The following NDUFS4 variants were observed in gnomAD, a reference collection of about 807,000 sequenced individuals.
The protein encoded by NDUFS4 is NADH dehydrogenase [ubiquinone] iron-sulfur protein 4, mitochondrial.
In NDUFS4, 28 loss-of-function variants were observed where a neutral mutation model predicts 24.3. That is an observed-to-expected ratio of 1.15 (90% CI 0.85 to 1.58). The LOEUF is 1.58. NDUFS4 is among the 40% of genes most tolerant of loss of function. The pLI is 0.00. For synonymous variants in NDUFS4, 93 were observed against 69.7 expected (o/e 1.34, Z -1.67); for missense variants, 223 against 207.9 (o/e 1.07, Z -0.45).
chr5:53,570,984 G>T (rs1749194048), intron 1 of NDUFS4, among the ~76,000 whole-genome samples: 1 of 151,898 alleles, frequency 6.6e-6, no homozygotes, highest in African/African-American at 2.4e-5. Flanking sequence ...GCGCCCGGCT[G>T]TGTTTTTTAT....
intron 1 of NDUFS4, among the ~76,000 whole-genome samples, chr5:53,561,318 A>G (rs1337220267): frequency 2.6e-5 from 4 of 152,208 alleles, no homozygotes; most frequent in African/African-American, 9.6e-5. Flanking sequence ...GGTAATTTTT[A>G]AAAGGCTGGT....
In NDUFS4 at chr5:53,646,495, A is replaced by G; in HGVS notation, c.350+90A>G. The stretch of plus-strand genomic sequence containing the variant: ...ATATGATTTTCAAACTCTTTTATGT[A>G]CAATATGCTTATGACAGTACTTTTT... On this transcript the variant is annotated intron_variant, in intron 3 of 4. Transcript: ENST00000296684. The G allele has an allele frequency of 1.5e-6, 2 of 1,352,014 alleles. 1 individual carries two copies. Among genetic ancestry groups the G allele is most frequent in the South Asian group, 2.4e-5 (2 of 84,156 alleles). The allele number at this position is 1,352,014 out of a possible 1,614,324, so 83.8% of individuals were successfully genotyped here.
intron 1 of NDUFS4, among the ~76,000 whole-genome samples, chr5:53,582,226 AAAATAAAATAAAATAAAATT>A (rs1358672945): frequency 7.2e-6 from 1 of 139,304 alleles, no homozygotes; most frequent in African/African-American, 2.7e-5. Context: ...AAAATAAAAT[AAAATAAAATAAAATAAAATT>A]AAATTAAAAT....
intron 1 of NDUFS4, among the ~76,000 whole-genome samples, chr5:53,589,268 A>G (rs1434393947): frequency 6.6e-6 from 1 of 152,238 alleles, no homozygotes; most frequent in Non-Finnish European, 1.5e-5. Flanking sequence ...AAGCACTTGA[A>G]TAGAGAATTG....
chr5:53,572,574 T>C (rs766438777), intron 1 of NDUFS4, among the ~76,000 whole-genome samples: 1 of 152,138 alleles, frequency 6.6e-6, no homozygotes, highest in Non-Finnish European at 1.5e-5. Context: ...TTCCTTTTAA[T>C]GATTGTGCTT....
Position 53,676,230 on chromosome 5 carries a change from A to G in NDUFS4, c.425-6888A>G, listed in dbSNP as rs773390495. ...CTGGGTTGAGAGGGGAGTCAAATCT[A>G]TGAGAGAGGACAGACTTTATGTATC... On this transcript the variant is annotated intron_variant, in intron 4 of 4. Transcript: ENST00000296684. Among the ~76,000 whole-genome samples the G allele has an allele frequency of 1.3e-5, 2 of 152,294 alleles. 1 individual carries two copies. The highest frequency in any genetic ancestry group is 4.1e-4 in the South Asian group (2 of 4,824).
chr5:53,611,640 C>T (rs1750702575), intron 2 of NDUFS4, among the ~76,000 whole-genome samples: 1 of 151,826 alleles, frequency 6.6e-6, no homozygotes, highest in African/African-American at 2.4e-5. Context: ...ATGATACTTC[C>T]TACAGATACT....
In NDUFS4 at chr5:53,672,050, G is replaced by A. The variant is rs148966306; in HGVS notation, c.425-11068G>A. ...GCCTCTGAAGTAATAGAAGGTAGAA[G>A]CACGGAAGGAAACAGGTCTGGCCCT... is the stretch of plus-strand genomic sequence containing the variant. On this transcript the variant is annotated intron_variant, in intron 4 of 4. Transcript: ENST00000296684. 4.3e-3 allele frequency among the ~76,000 whole-genome samples: 654 copies of A among 152,128 alleles called. 5 individuals carry two copies. Among genetic ancestry groups the A allele is most frequent in the African/African-American group, 0.015 (611 of 41,522 alleles).
At chr5:53,661,498 C>T (rs1752341916) in intron 4 of NDUFS4, among the ~76,000 whole-genome samples, 1 of 151,972 alleles carries the variant, frequency 6.6e-6, no homozygotes, top group South Asian at 2.1e-4. Flanking sequence ...TTTTTTGGTT[C>T]CATATGAAGT....
intron 2 of NDUFS4, among the ~76,000 whole-genome samples, chr5:53,623,585 T>G (rs1193955681): frequency 6.6e-6 from 1 of 152,228 alleles, no homozygotes; most frequent in Non-Finnish European, 1.5e-5. Context: ...CTGTATTTTT[T>G]TGTTGCATGT....
At chr5:53,636,202 C>A (rs193044767) in intron 2 of NDUFS4, among the ~76,000 whole-genome samples, 474 of 152,166 alleles carry the variant, frequency 3.1e-3, no homozygotes, top group Middle Eastern at 6.8e-3. Context: ...TTTTAAAAAA[C>A]CAGTTTTACA....
intron 4 of NDUFS4, 174 bp downstream of exon 4, chr5:53,658,798 A>AC: frequency 3.4e-6 from 2 of 589,674 alleles, no homozygotes; most frequent in Non-Finnish European, 6.0e-6. Context: ...AAAAAAAAAA[A>AC]AAAAAACCTA....
chr5:53,678,629 T>C (rs986172633), intron 4 of NDUFS4, among the ~76,000 whole-genome samples: 1 of 152,200 alleles, frequency 6.6e-6, no homozygotes, highest in Non-Finnish European at 1.5e-5. Context: ...CACTTCCATA[T>C]TCCCATTCAG....
At chr5:53,677,050 G>A (rs1561403402) in intron 4 of NDUFS4, among the ~76,000 whole-genome samples, 1 of 152,076 alleles carries the variant, frequency 6.6e-6, no homozygotes, top group Admixed American at 6.6e-5. Flanking sequence ...TTGGCTATTT[G>A]TGTAGTTTTT....
At chr5:53,563,698 C>G (rs914828736) in intron 1 of NDUFS4, among the ~76,000 whole-genome samples, 2 of 152,090 alleles carry the variant, frequency 1.3e-5, no homozygotes, top group Non-Finnish European at 2.9e-5. Context: ...GATGGAGTTT[C>G]ACCGTGTTAG....
intron 1 of NDUFS4, among the ~76,000 whole-genome samples, chr5:53,580,753 TTCTC>T (rs149720824): frequency 0.032 from 4,814 of 150,316 alleles, 282 homozygotes; most frequent in African/African-American, 0.11. Flanking sequence ...TTTCCTTCCT[TTCTC>T]TTTCTTTCTT....
intron 2 of NDUFS4, among the ~76,000 whole-genome samples, chr5:53,624,791 C>T (rs1751165500): frequency 6.6e-6 from 1 of 152,082 alleles, no homozygotes; most frequent in African/African-American, 2.4e-5. Flanking sequence ...TACATCTTTA[C>T]AAGTTTGGAT....
chr5:53,610,779 A>T (rs1170822281), intron 2 of NDUFS4, among the ~76,000 whole-genome samples: 1 of 152,172 alleles, frequency 6.6e-6, no homozygotes, highest in African/African-American at 2.4e-5. Flanking sequence ...TTAATTAATC[A>T]TCTTGATTGC....
intron 1 of NDUFS4, among the ~76,000 whole-genome samples, chr5:53,563,045 C>G (rs932878401): frequency 2.2e-4 from 34 of 151,856 alleles, no homozygotes; most frequent in South Asian, 4.2e-4. Flanking sequence ...CTGGCCAACA[C>G]GGTGAAACCC....
Sources: gnomAD v4.1 joint callset for allele counts (sites outside exome capture counted in the v4.1 genomes callset) on GRCh38, gnomAD v4.1.1 for gene constraint, MANE v1.5 for transcripts, NCBI Gene and HGNC (gene_info 2026-07-23, HGNC 2026-07-21) for gene names.